SGCD: variants seen among roughly 807,000 people sequenced by gnomAD.
The protein encoded by SGCD is sarcoglycan delta.
In SGCD, 18 loss-of-function variants were observed where a neutral mutation model predicts 36.6. The ratio of observed to expected loss-of-function variants is 0.49; its 90% CI spans 0.34 to 0.73. The LOEUF (loss-of-function observed/expected upper bound fraction) is 0.73. Ranked by LOEUF, SGCD falls within the 30% of genes least tolerant of loss-of-function variation. SGCD has a pLI of 0.01. For missense variants in SGCD, 387 were observed against 346.7 expected, an observed-to-expected ratio of 1.12 and a Z score of -0.92; for synonymous variants, 133 against 130.6, an observed-to-expected ratio of 1.02 and a Z score of -0.12.
chr5:155,915,998 A>C (rs182862424), intron 1 of SGCD, among the ~76,000 whole-genome samples: 11 of 152,304 alleles, frequency 7.2e-5, no homozygotes, highest in Admixed American at 6.5e-4. Context: ...ATGTAGGAGA[A>C]AAATACTTTA....
intron 6 of SGCD, among the ~76,000 whole-genome samples, chr5:156,618,627 A>G (rs1762109327): frequency 6.6e-6 from 1 of 151,510 alleles, no homozygotes; most frequent in Non-Finnish European, 1.5e-5. Context: ...CAGTCCGAAA[A>G]CCTAGGTGAT....
chr5:156,074,223 A>G (rs916913022), intron 1 of SGCD, among the ~76,000 whole-genome samples: 1 of 152,204 alleles, frequency 6.6e-6, no homozygotes, highest in Non-Finnish European at 1.5e-5. Context: ...TACCCAGTGC[A>G]GTATGCACAG....
chr5:155,867,493 G>A (rs1015270880), upstream of SGCD, among the ~76,000 whole-genome samples: 2 of 152,182 alleles, frequency 1.3e-5, no homozygotes, highest in African/African-American at 4.8e-5. Context: ...TGAAATGGAG[G>A]TGTTCTAAAA....
chr5:155,983,602 T>C (rs1758273228), intron 1 of SGCD, among the ~76,000 whole-genome samples: 1 of 152,184 alleles, frequency 6.6e-6, no homozygotes, highest in Non-Finnish European at 1.5e-5. Flanking sequence ...ACCCAGCCTA[T>C]GATACTCTCT....
At chr5:155,736,341 A>G in the SGCD span, among the ~76,000 whole-genome samples, 1 of 152,228 alleles carries the variant, frequency 6.6e-6, no homozygotes, top group Non-Finnish European at 1.5e-5. Context: ...CAAGGAAAGA[A>G]GGCCCAGATT....
At chr5:155,768,382 C>T in the SGCD span, among the ~76,000 whole-genome samples, 6 of 151,754 alleles carry the variant, frequency 4.0e-5, no homozygotes, top group Admixed American at 2.6e-4. Flanking sequence ...GCAACAAATG[C>T]CTGTTGAGCA....
intron 1 of SGCD, among the ~76,000 whole-genome samples, chr5:155,996,906 T>C (rs10064121): frequency 0.044 from 6,282 of 141,964 alleles, 446 homozygotes; most frequent in African/African-American, 0.15. Context: ...GATAGATAGA[T>C]AGACAGACAG....
At position 156,337,696 on chromosome 5, in the gene SGCD, A is replaced by C. The variant is rs1768430867; in HGVS notation, c.4-6793A>C. On this transcript the variant is annotated intron_variant, in intron 2 of 8. Coordinates refer to ENST00000337851, the MANE Select transcript of SGCD (RefSeq NM_000337.6). ...TAACTTTAGTTCTAGGGGTTTCATT[A>C]TTGTCCATTATTGTTTATTGTCCAT... Among the ~76,000 whole-genome samples the C allele has an allele frequency of 2.0e-5, 3 of 152,132 alleles. No homozygotes were observed. The South Asian group carries it at 6.2e-4, about 32-fold the overall frequency.
chr5:155,738,882 AGT>A, the SGCD span, among the ~76,000 whole-genome samples: 6,956 of 142,872 alleles, frequency 0.049, 502 homozygotes, highest in African/African-American at 0.17. Flanking sequence ...TGTGAGAGAG[AGT>A]GTGTGTGAGT....
At chr5:156,103,581 C>T (rs534844220) in intron 1 of SGCD, among the ~76,000 whole-genome samples, 8 of 152,108 alleles carry the variant, frequency 5.3e-5, no homozygotes, top group African/African-American at 1.7e-4. Flanking sequence ...GACCGATATC[C>T]CTTAAACATT....
intron 5 of SGCD, among the ~76,000 whole-genome samples, chr5:156,590,471 A>G (rs371111567): frequency 1.3e-5 from 2 of 152,200 alleles, no homozygotes; most frequent in Non-Finnish European, 2.9e-5. Flanking sequence ...CCTTGCTTAT[A>G]TAACATCTGG....
At chr5:155,939,208 G>A (rs1757275151) in intron 1 of SGCD, among the ~76,000 whole-genome samples, 1 of 152,176 alleles carries the variant, frequency 6.6e-6, no homozygotes, top group South Asian at 2.1e-4. Flanking sequence ...GGTTTTAAGT[G>A]TTCTCAAAAC....
intron 4 of SGCD, among the ~76,000 whole-genome samples, chr5:156,587,652 G>T (rs1171510384): frequency 1.3e-5 from 2 of 152,124 alleles, no homozygotes; most frequent in African/African-American, 4.8e-5. Flanking sequence ...GAAGGAAAAA[G>T]ACATTAGACA....
intron 7 of SGCD, among the ~76,000 whole-genome samples, chr5:156,689,316 G>T (rs971400144): frequency 6.6e-6 from 1 of 152,130 alleles, no homozygotes; most frequent in Non-Finnish European, 1.5e-5. Flanking sequence ...GGGCTTCTTT[G>T]GGACAAAGTG....
At chr5:156,664,880 C>T (rs1450367151) in intron 7 of SGCD, among the ~76,000 whole-genome samples, 2 of 143,396 alleles carry the variant, frequency 1.4e-5, no homozygotes, top group Non-Finnish European at 3.0e-5. Context: ...GTGGGAGGCT[C>T]TCCCTCTTGG....
intron 3 of SGCD, among the ~76,000 whole-genome samples, chr5:156,294,322 C>A (rs959168908): frequency 2.0e-5 from 3 of 152,118 alleles, no homozygotes; most frequent in South Asian, 4.2e-4. Flanking sequence ...GCCAGCTGGG[C>A]ACAATGGCTC....
At chr5:155,890,619 A>G (rs12517163) in intron 1 of SGCD, among the ~76,000 whole-genome samples, 2,101 of 133,490 alleles carry the variant, frequency 0.016, 17 homozygotes, top group Non-Finnish European at 0.022. Context: ...ATAGATAGGT[A>G]GGTAAGTAGA....
In SGCD at chr5:156,344,597, T is replaced by C. The variant is rs750206304; in HGVS notation, c.112T>C (p.Phe38Leu). 22 of 1,612,480 alleles carry C rather than the reference T, an allele frequency of 1.4e-5. No individual in the cohort carries two copies. The highest frequency in any genetic ancestry group is 1.8e-5 in the Non-Finnish European group (21 of 1,179,284). ...YGWRKRCLYF[F>L]VLLLMILILV... ...CTGGCGGAAACGATGCCTGTATTTCTTTGTCCTGCTCCTCATGATTTTAAT... is the reference window on the plus strand; with the variant it reads ...CTGGCGGAAACGATGCCTGTATTTCCTTGTCCTGCTCCTCATGATTTTAAT... The change falls in exon 3 of 9, where the codon TTT becomes CTT. Residue 38 changes from phenylalanine (F) to leucine (L), a missense_variant. Transcript: ENST00000337851.
intron 3 of SGCD, among the ~76,000 whole-genome samples, chr5:156,383,329 C>T (rs986948459): frequency 6.6e-6 from 1 of 152,010 alleles, no homozygotes; most frequent in Non-Finnish European, 1.5e-5. Context: ...CATGGTGAAA[C>T]CCTGTCTCTA....
Sources: allele counts gnomAD v4.1 joint callset (sites outside exome capture counted in the v4.1 genomes callset), GRCh38; gene constraint gnomAD v4.1.1; transcripts MANE v1.5; gene names NCBI Gene and HGNC (gene_info 2026-07-23, HGNC 2026-07-21).